KDM2A: variants seen among roughly 807,000 people sequenced by gnomAD.
KDM2A encodes lysine demethylase 2A.
Under a neutral mutation model 137.3 loss-of-function variants are expected in KDM2A, and 3 were observed. That is an observed-to-expected ratio of 0.02 (90% confidence interval 0.01 to 0.06). The LOEUF (loss-of-function observed/expected upper bound fraction) is 0.06. Among genes scored for constraint, KDM2A ranks in the 10% least tolerant of loss-of-function variants. The pLI, the probability that KDM2A is intolerant of heterozygous loss-of-function variation, is 1.00. For missense variants in KDM2A, 738 were observed against 1,510.6 expected, an observed-to-expected ratio of 0.49 and a Z score of 8.48; for synonymous variants, 512 against 541.5, an observed-to-expected ratio of 0.95 and a Z score of 0.76.
At chr11:67,240,318 G>T (rs1441105879) in intron 12 of KDM2A, 1 of 1,535,614 alleles carries the variant, frequency 6.5e-7, no homozygotes, top group East Asian at 2.4e-5. Context: ...CAAAGACGCT[G>T]GGGAAACTTC....
intron 10 of KDM2A, among the ~76,000 whole-genome samples, chr11:67,226,956 T>A (rs1047486522): frequency 6.6e-6 from 1 of 151,848 alleles, no homozygotes; most frequent in Non-Finnish European, 1.5e-5. Context: ...TAAAAAAAAA[T>A]GGTTTCAAAA....
chr11:67,246,263 C>A, intron 15 of KDM2A, 147 bp downstream of exon 15: 2 of 855,648 alleles, frequency 2.3e-6, no homozygotes, highest in Non-Finnish European at 3.8e-6. Flanking sequence ...AACATCAGCC[C>A]TTGATTCATA....
chr11:67,168,293 T>A (rs1349060922), intron 2 of KDM2A, among the ~76,000 whole-genome samples: 1 of 152,082 alleles, frequency 6.6e-6, no homozygotes, highest in East Asian at 1.9e-4. Context: ...GCATTTTTCT[T>A]ATGTGGCTTC....
At chr11:67,236,037 C>A (rs903626557) in intron 12 of KDM2A, among the ~76,000 whole-genome samples, 3 of 152,180 alleles carry the variant, frequency 2.0e-5, no homozygotes, top group African/African-American at 7.2e-5. Context: ...AAAGTGTATG[C>A]GTATTTGTGC....
intron 2 of KDM2A, among the ~76,000 whole-genome samples, chr11:67,171,714 A>G (rs1856885879): frequency 6.6e-6 from 1 of 152,188 alleles, no homozygotes; most frequent in Admixed American, 6.5e-5. Flanking sequence ...GGCAAGAAAA[A>G]CTATTTGATA....
At chr11:67,164,454 T>G (rs1437143496) in intron 2 of KDM2A, among the ~76,000 whole-genome samples, 5 of 152,104 alleles carry the variant, frequency 3.3e-5, no homozygotes, top group Non-Finnish European at 7.4e-5. Flanking sequence ...GTTCATTAAG[T>G]GTTGATCTTG....
chr11:67,128,993 G>A (rs532512409), intron 2 of KDM2A, among the ~76,000 whole-genome samples: 2 of 152,324 alleles, frequency 1.3e-5, no homozygotes, highest in East Asian at 3.9e-4. Context: ...TGAGGCAGAA[G>A]TATCATTTGA....
intron 2 of KDM2A, among the ~76,000 whole-genome samples, chr11:67,127,044 G>A (rs935614460): frequency 1.1e-4 from 16 of 152,158 alleles, no homozygotes; most frequent in African/African-American, 3.9e-4. Flanking sequence ...AGGGATAGAA[G>A]CTTCCTTTTG....
intron 10 of KDM2A, among the ~76,000 whole-genome samples, chr11:67,224,456 C>G (rs1565412542): frequency 8.0e-6 from 1 of 125,236 alleles, no homozygotes; most frequent in South Asian, 2.5e-4. Flanking sequence ...AAAATTAACC[C>G]CTTTCTTTTT....
chr11:67,182,837 T>G (rs1332407577), intron 5 of KDM2A, among the ~76,000 whole-genome samples: 3 of 152,226 alleles, frequency 2.0e-5, no homozygotes, highest in African/African-American at 7.2e-5. Context: ...CCGGCTGGAA[T>G]AAAGTCTTTT....
intron 7 of KDM2A, 44 bp from the exon 8 acceptor site, chr11:67,215,812 T>G: frequency 6.7e-7 from 1 of 1,496,220 alleles, no homozygotes; most frequent in South Asian, 1.1e-5. Context: ...GCAGATGTAC[T>G]TTTTTCCATC....
chr11:67,195,981 G>T, intron 5 of KDM2A: 2 of 437,256 alleles, frequency 4.6e-6, no homozygotes, highest in South Asian at 3.9e-5. Context: ...AAGATGTTGT[G>T]ATTTCTTCAA....
Position 67,205,777 on chromosome 11 carries a change from C to T in KDM2A, c.308-1733C>T, listed in dbSNP as rs1455486298. ...GATTATAGATGTGCACCACCGTGCC[C>T]GGCCAGACATACAATATTGTCAGCT... On this transcript the variant is annotated intron_variant, in intron 5 of 20. Coordinates refer to ENST00000529006, the MANE Select transcript of KDM2A (RefSeq NM_012308.3). Among the ~76,000 whole-genome samples the T allele has an allele frequency of 4.6e-5, 7 of 151,968 alleles. No homozygotes were observed. The East Asian group carries it at 9.6e-4, about 21-fold the overall frequency.
chr11:67,254,921 G>A lies in KDM2A; in HGVS notation c.3355G>A (p.Ala1119Thr), dbSNP rs1315340729. ...GACCCTGATCTACCTACGGCGCATT[G>A]CCAACGTCACCTTGATCGACCTTCG... The part of the protein sequence containing the change: ...DQTLIYLRRI[A>T]NVTLIDLRGC... Residue 1119 changes from alanine to threonine, a missense_variant, in exon 21 of 21, where the codon GCC becomes ACC. Transcript: ENST00000529006. This position sits in a 1 kb window ranked among gnomAD's most constrained non-coding sequence, Gnocchi z 4.7. 3 of 1,613,986 alleles carry A rather than the reference G, an allele frequency of 1.9e-6. No individual in the cohort carries two copies. Among genetic ancestry groups the A allele is most frequent in the Non-Finnish European group, 8.5e-7 (1 of 1,179,886 alleles).
intron 2 of KDM2A, among the ~76,000 whole-genome samples, chr11:67,122,631 T>TTTTTTATTTA (rs1555077776): frequency 6.6e-6 from 1 of 150,596 alleles, no homozygotes; most frequent in Non-Finnish European, 1.5e-5. Flanking sequence ...CCATGGCCTA[T>TTTTTTATTTA]TTTTTATTTA....
In KDM2A at chr11:67,219,257, C is replaced by T. The variant is rs1277708987; in HGVS notation, c.842-31C>T. On this transcript the variant is annotated intron_variant, in intron 9 of 20. Coordinates refer to ENST00000529006, the MANE Select transcript of KDM2A (RefSeq NM_012308.3). ...AGAGACTTACTGTAATGTGTGTTTT[C>T]AGCCACTGCCCTCTGTTCCCCTTCT... The T allele has an allele frequency of 2.6e-6, 3 of 1,171,216 alleles. No individual in the cohort carries two copies. In the Admixed American group the frequency reaches 6.7e-5, roughly 26 times the overall value. The allele number at this position is 1,171,216 out of a possible 1,614,324, so 72.6% of individuals were successfully genotyped here. A position where few individuals can be genotyped will look rare whatever the true frequency, so the allele number is the denominator to read the frequency against.
chr11:67,254,696 G>C lies in KDM2A; in HGVS notation c.3308-178G>C, dbSNP rs747629098. On this transcript the variant is annotated intron_variant, in intron 20 of 20. Transcript: ENST00000529006. The surrounding 1 kb of genome is among the most constrained non-coding windows in gnomAD (Gnocchi z 4.7). ...TGCTTGTTGTCATATGGTGATGGGA[G>C]TGAGGCAGCAGGGTCCCTTTGGAGG... Among the ~76,000 whole-genome samples, 3 of 152,210 alleles carry C rather than the reference G, an allele frequency of 2.0e-5. No homozygotes were observed. The highest frequency in any genetic ancestry group is 4.4e-5 in the Non-Finnish European group (3 of 68,038).
At position 67,248,349 on chromosome 11, in the gene KDM2A, G is replaced by A; in HGVS notation, c.2034G>A (p.Glu678=). The change falls in exon 16 of 21, where the codon GAG becomes GAA. Residue 678 remains glutamate (E), a synonymous_variant. Transcript: ENST00000529006. ...GGGAATGTCCAAAGTGCTACCAGGAGGACAGCTCGGAGAAAGCCCAGGTAA... is the reference window on the plus strand; with the variant it reads ...GGGAATGTCCAAAGTGCTACCAGGAAGACAGCTCGGAGAAAGCCCAGGTAA... ...NCWECPKCYQ[E]DSSEKAQKRK... 1 of 1,604,124 alleles carries A rather than the reference G, an allele frequency of 6.2e-7. No individual in the cohort carries two copies. The highest frequency in any genetic ancestry group is 8.5e-7 in the Non-Finnish European group (1 of 1,175,126).
At chr11:67,148,759 C>A (rs1856315349) in intron 2 of KDM2A, among the ~76,000 whole-genome samples, 1 of 152,080 alleles carries the variant, frequency 6.6e-6, no homozygotes. Context: ...TGAGATCATG[C>A]CATTGCACTC....
Sources: allele counts gnomAD v4.1 joint callset (sites outside exome capture counted in the v4.1 genomes callset), GRCh38; gene constraint gnomAD v4.1.1; non-coding constraint Gnocchi (gnomAD v3.1); transcripts MANE v1.5; gene names NCBI Gene and HGNC (gene_info 2026-07-23, HGNC 2026-07-21).